KLF12: variants seen among roughly 807,000 people sequenced by gnomAD.
KLF12 encodes the protein KLF transcription factor 12.
A neutral mutation model predicts 37.8 loss-of-function variants in KLF12; 9 were observed. The ratio of observed to expected loss-of-function variants is 0.24; its 90% CI spans 0.14 to 0.42. KLF12 has a LOEUF of 0.42. KLF12 is among the 10% of genes least tolerant of loss of function. The pLI is 1.00. For missense variants in KLF12, 411 were observed against 516.0 expected (o/e 0.80, Z 1.97); for synonymous variants, 208 against 202.1 (o/e 1.03, Z -0.25).
chr13:74,099,562 C>T (rs1876189217), intron 1 of KLF12, among the ~76,000 whole-genome samples: 1 of 152,174 alleles, frequency 6.6e-6, no homozygotes, highest in African/African-American at 2.4e-5. Flanking sequence ...TGTCCCTAGA[C>T]ACATACATAT....
At chr13:73,989,923 TA>T (rs1042298788) in intron 2 of KLF12, among the ~76,000 whole-genome samples, 5 of 151,082 alleles carry the variant, frequency 3.3e-5, no homozygotes, top group South Asian at 4.2e-4. Context: ...AAAGTTTCTT[TA>T]AAAAAAAAGT....
chr13:73,949,706 C>G (rs558238043), intron 2 of KLF12, among the ~76,000 whole-genome samples: 8 of 152,296 alleles, frequency 5.3e-5, no homozygotes, highest in African/African-American at 1.9e-4. Context: ...TAAAAACATC[C>G]TTTTCTCTAC....
At chr13:74,147,943 ACT>A in the KLF12 span, among the ~76,000 whole-genome samples, 1 of 150,566 alleles carries the variant, frequency 6.6e-6, no homozygotes, top group Non-Finnish European at 1.5e-5. Flanking sequence ...ACAGAGTCTC[ACT>A]CTGTCGCCCA....
Position 73,764,189 on chromosome 13 carries a change from A to C in KLF12, c.869+749T>G, listed in dbSNP as rs538086176. Among the ~76,000 whole-genome samples the C allele has an allele frequency of 2.0e-5, 3 of 152,314 alleles. No individual in the cohort carries two copies. In the South Asian group the frequency reaches 6.2e-4, roughly 32 times the overall value. Reference sequence around the variant, plus strand: ...CATTCATCTTTGAAGTAATACAGCCACAGTTCATTTTTTTCTTTTTAGTTT... The same window carrying C: ...CATTCATCTTTGAAGTAATACAGCCCCAGTTCATTTTTTTCTTTTTAGTTT... On this transcript the variant is annotated intron_variant, in intron 6 of 7. Coordinates refer to ENST00000377669, the MANE Select transcript of KLF12 (RefSeq NM_007249.5).
chr13:73,705,772 C>A (rs191920823), intron 7 of KLF12, among the ~76,000 whole-genome samples: 3 of 152,288 alleles, frequency 2.0e-5, no homozygotes, highest in Admixed American at 6.5e-5. Flanking sequence ...TTATTCCATA[C>A]CTTTTATATA....
chr13:74,006,324 G>A (rs1317416694), intron 1 of KLF12, among the ~76,000 whole-genome samples: 1 of 152,054 alleles, frequency 6.6e-6, no homozygotes, highest in East Asian at 1.9e-4. Context: ...TCTCCCTACA[G>A]AGGTATCTTC....
chr13:73,849,581 G>A (rs992354620), intron 3 of KLF12, among the ~76,000 whole-genome samples: 1 of 152,020 alleles, frequency 6.6e-6, no homozygotes, highest in African/African-American at 2.4e-5. Flanking sequence ...AAAGCGAGAG[G>A]AGATACGGGG....
chr13:73,816,027 A>G (rs976561075), intron 4 of KLF12, among the ~76,000 whole-genome samples: 6 of 152,240 alleles, frequency 3.9e-5, no homozygotes, highest in African/African-American at 1.2e-4. Context: ...AAATATTATG[A>G]AATACATCTG....
At chr13:74,060,498 G>GTGTGTGTGTGTGTC (rs373815132) in intron 1 of KLF12, among the ~76,000 whole-genome samples, 9,442 of 145,722 alleles carry the variant, frequency 0.065, 422 homozygotes, top group Non-Finnish European at 0.09. Flanking sequence ...GTGTGTGTGT[G>GTGTGTGTGTGTGTC]TGTGTGTGTG....
intron 3 of KLF12, among the ~76,000 whole-genome samples, chr13:73,913,832 C>A (rs1202879350): frequency 6.6e-6 from 1 of 152,068 alleles, no homozygotes; most frequent in East Asian, 1.9e-4. Context: ...TAAAACTGTA[C>A]AAGTAGCATG....
chr13:73,884,961 T>C (rs1202735133), intron 3 of KLF12, among the ~76,000 whole-genome samples: 1 of 152,212 alleles, frequency 6.6e-6, no homozygotes, highest in African/African-American at 2.4e-5. Context: ...TTTCTGCCTG[T>C]ATCTCTCCGG....
chr13:74,087,188 A>G (rs557929171), intron 1 of KLF12, among the ~76,000 whole-genome samples: 3 of 152,332 alleles, frequency 2.0e-5, no homozygotes, highest in South Asian at 4.1e-4. Flanking sequence ...TGAACAGGAA[A>G]TAGAAAGCAT....
chr13:74,071,431 C>A lies in KLF12; in HGVS notation c.-32+62308G>T, dbSNP rs192688177. ...GCCGGGCGCAGTGGCTTCCACCTGTCATCCCAGCACTTTGGGAGGGTGAGG... is the reference window on the plus strand; with the variant it reads ...GCCGGGCGCAGTGGCTTCCACCTGTAATCCCAGCACTTTGGGAGGGTGAGG... On this transcript the variant is annotated intron_variant, in intron 1 of 7. Coordinates refer to ENST00000377669, the MANE Select transcript of KLF12 (RefSeq NM_007249.5). Among the ~76,000 whole-genome samples, 296 of 152,150 alleles carry A rather than the reference C, an allele frequency of 1.9e-3. 3 individuals are homozygous for A. Among genetic ancestry groups the A allele is most frequent in the East Asian group, 2.1e-3 (11 of 5,174 alleles).
intron 4 of KLF12, among the ~76,000 whole-genome samples, chr13:73,828,393 A>G (rs1194826271): frequency 6.6e-6 from 1 of 152,194 alleles, no homozygotes; most frequent in East Asian, 1.9e-4. Context: ...ATTCTGATAA[A>G]TGTCATTTTA....
the KLF12 span, among the ~76,000 whole-genome samples, chr13:74,251,704 C>T: frequency 6.6e-6 from 1 of 152,072 alleles, no homozygotes; most frequent in Non-Finnish European, 1.5e-5. Context: ...GTTCCTGATT[C>T]CCTACCATGG....
chr13:74,134,750 C>G (rs1878474074), upstream of KLF12, among the ~76,000 whole-genome samples: 1 of 152,000 alleles, frequency 6.6e-6, no homozygotes, highest in African/African-American at 2.4e-5. Context: ...GCGAGAAAGT[C>G]TCCTCTTTTG....
chr13:73,757,979 C>CT (rs1286496235), intron 6 of KLF12, among the ~76,000 whole-genome samples: 1 of 152,054 alleles, frequency 6.6e-6, no homozygotes, highest in African/African-American at 2.4e-5. Flanking sequence ...GAGACACAGT[C>CT]TTTTTTTCTG....
intron 5 of KLF12, among the ~76,000 whole-genome samples, chr13:73,789,518 G>A (rs1881538114): frequency 2.0e-5 from 3 of 152,054 alleles, no homozygotes; most frequent in Admixed American, 1.3e-4. Context: ...ACCTGACCCA[G>A]GGTAAGACCA....
At chr13:74,072,379 A>ATCTATATATCTATATATATATC (rs1206664394) in intron 1 of KLF12, among the ~76,000 whole-genome samples, 1 of 107,812 alleles carries the variant, frequency 9.3e-6, no homozygotes, top group African/African-American at 4.7e-5. Context: ...ATATATATAT[A>ATCTATATATCTATATATATATC]TATATATATA....
Sources: allele counts gnomAD v4.1 joint callset (sites outside exome capture counted in the v4.1 genomes callset), GRCh38; gene constraint gnomAD v4.1.1; transcripts MANE v1.5; gene names NCBI Gene and HGNC (gene_info 2026-07-23, HGNC 2026-07-21).